NSG1: variants seen among roughly 807,000 people sequenced by gnomAD.
The protein encoded by NSG1 is neuronal vesicle trafficking associated 1.
A neutral mutation model predicts 19.3 loss-of-function variants in NSG1; 9 were observed. That is an observed-to-expected ratio of 0.47 (90% CI 0.28 to 0.81). The LOEUF (loss-of-function observed/expected upper bound fraction) is 0.81, where lower values mean the gene tolerates loss of function less well. Among genes scored for constraint, NSG1 ranks in the 40% least tolerant of loss-of-function variants. The pLI is 0.11. For missense variants in NSG1, 236 were observed against 242.4 expected, an observed-to-expected ratio of 0.97 and a Z score of 0.18; for synonymous variants, 104 against 107.0, an observed-to-expected ratio of 0.97 and a Z score of 0.17.
chr4:4,401,091 T>C (rs1420277696), intron 3 of NSG1, among the ~76,000 whole-genome samples: 1 of 152,194 alleles, frequency 6.6e-6, no homozygotes, highest in East Asian at 1.9e-4. Flanking sequence ...TGGGCCACCG[T>C]GGGATGCACA....
chr4:4,396,680 CG>C (rs67240218), intron 3 of NSG1, among the ~76,000 whole-genome samples: 96,230 of 140,814 alleles, frequency 0.68, 33,888 homozygotes, highest in East Asian at 0.97. Context: ...GAGCTTCCTG[CG>C]TGCCCATCTG....
intron 3 of NSG1, among the ~76,000 whole-genome samples, chr4:4,401,725 G>A (rs951056556): frequency 6.6e-6 from 1 of 152,176 alleles, no homozygotes; most frequent in African/African-American, 2.4e-5. Flanking sequence ...GGGGATTCCA[G>A]TAAGAAGGAA....
chr4:4,402,814 C>G (rs1034290793), intron 3 of NSG1, among the ~76,000 whole-genome samples: 1 of 152,220 alleles, frequency 6.6e-6, no homozygotes, highest in Non-Finnish European at 1.5e-5. Flanking sequence ...TAAGGAAATG[C>G]GCTTCTCCCA....
At chr4:4,411,030 A>G (rs1195917298) in intron 4 of NSG1, among the ~76,000 whole-genome samples, 1 of 151,954 alleles carries the variant, frequency 6.6e-6, no homozygotes, top group Non-Finnish European at 1.5e-5. Context: ...TAATTTTTGT[A>G]TTTTTAGTAG....
At chr4:4,403,825 G>A (rs974776748) in intron 3 of NSG1, among the ~76,000 whole-genome samples, 4 of 152,180 alleles carry the variant, frequency 2.6e-5, no homozygotes, top group South Asian at 2.1e-4. Context: ...TGCAGAAGGC[G>A]GCGGACGTCT....
chr4:4,406,676 C>T (rs1014951099), intron 3 of NSG1, among the ~76,000 whole-genome samples: 1 of 152,186 alleles, frequency 6.6e-6, no homozygotes, highest in Non-Finnish European at 1.5e-5. Flanking sequence ...CATGCTCCCC[C>T]CCAACCCAGG....
At chr4:4,411,771 A>ACACAAC (rs1560147702) in intron 4 of NSG1, among the ~76,000 whole-genome samples, 5 of 118,472 alleles carry the variant, frequency 4.2e-5, no homozygotes, top group African/African-American at 2.1e-4. Context: ...AACAAAACAA[A>ACACAAC]ACAAAACAAA....
At chr4:4,390,403 G>A (rs989022633) in intron 2 of NSG1, among the ~76,000 whole-genome samples, 1 of 152,224 alleles carries the variant, frequency 6.6e-6, no homozygotes, top group Non-Finnish European at 1.5e-5. Flanking sequence ...TCTCCCCAAG[G>A]CTGGCTTTGG....
Position 4,387,700 on chromosome 4 carries a change from C to T in NSG1, c.71C>T (p.Thr24Ile), listed in dbSNP as rs772961206. Residue 24 changes from threonine to isoleucine, a missense_variant, in exon 2 of 5, where the codon ACC (threonine) becomes ATC (isoleucine). By Grantham distance (89) the Thr-to-Ile change is moderately conservative. Coordinates refer to ENST00000621129, the MANE Select transcript of NSG1 (RefSeq NM_014392.5). ...KQPLLEDGFD[T>I]IPLMTPLDVN... ...CCGCTGCTGGAGGATGGCTTCGACACCATTCCCCTGATGACGCCCCTCGAT... is the reference window on the plus strand; with the variant it reads ...CCGCTGCTGGAGGATGGCTTCGACATCATTCCCCTGATGACGCCCCTCGAT... 1 of 1,613,780 alleles carries T rather than the reference C, an allele frequency of 6.2e-7. No homozygotes were observed. The highest frequency in any genetic ancestry group is 8.5e-7 in the Non-Finnish European group (1 of 1,179,744).
At chr4:4,389,366 T>C (rs1427815694) in intron 2 of NSG1, among the ~76,000 whole-genome samples, 1 of 152,192 alleles carries the variant, frequency 6.6e-6, no homozygotes, top group Non-Finnish European at 1.5e-5. Context: ...GCAGGGATGC[T>C]CTTCTCGGGT....
At chr4:4,405,733 C>T (rs1300620412) in intron 3 of NSG1, among the ~76,000 whole-genome samples, 1 of 152,202 alleles carries the variant, frequency 6.6e-6, no homozygotes, top group African/African-American at 2.4e-5. Flanking sequence ...CACGGGCCGC[C>T]CGCTGACTCT....
chr4:4,410,841 G>A (rs927288169), intron 4 of NSG1, among the ~76,000 whole-genome samples: 1 of 152,146 alleles, frequency 6.6e-6, no homozygotes, highest in South Asian at 2.1e-4. Flanking sequence ...TGAGCTCACT[G>A]TAACCTTTTT....
chr4:4,409,119 T>C (rs971338812), intron 3 of NSG1, among the ~76,000 whole-genome samples: 3 of 152,250 alleles, frequency 2.0e-5, no homozygotes, highest in Non-Finnish European at 2.9e-5. Context: ...CTGGTGTCCA[T>C]GCGACACTGC....
At chr4:4,413,806 C>G (rs911152033) in intron 4 of NSG1, among the ~76,000 whole-genome samples, 14 of 151,914 alleles carry the variant, frequency 9.2e-5, no homozygotes, top group Non-Finnish European at 1.6e-4. Flanking sequence ...ACCAAGGAGA[C>G]TGCTGCAGTG....
At chr4:4,412,640 A>G (rs1412727355) in intron 4 of NSG1, among the ~76,000 whole-genome samples, 1 of 152,100 alleles carries the variant, frequency 6.6e-6, no homozygotes, top group Non-Finnish European at 1.5e-5. Context: ...TGTGTTTGTC[A>G]CACACCAACG....
intron 3 of NSG1, among the ~76,000 whole-genome samples, chr4:4,395,579 A>G (rs75290909): frequency 6.6e-6 from 1 of 152,108 alleles, no homozygotes; most frequent in Non-Finnish European, 1.5e-5. Flanking sequence ...GGAGCAGGCT[A>G]TGCTGGAGAC....
chr4:4,413,599 C>T (rs1043982550), intron 4 of NSG1, among the ~76,000 whole-genome samples: 4 of 150,402 alleles, frequency 2.7e-5, no homozygotes, highest in Non-Finnish European at 4.4e-5. Context: ...GCAGTGGGGA[C>T]GTGCTGGTGG....
At chr4:4,387,560 C>A in intron 1 of NSG1, 44 bp from the exon 2 acceptor site, 3 of 1,148,782 alleles carry the variant, frequency 2.6e-6, no homozygotes, top group Non-Finnish European at 2.5e-6. Flanking sequence ...CCGCCCCGCC[C>A]CGGGTCTTGC....
intron 4 of NSG1, among the ~76,000 whole-genome samples, chr4:4,415,514 G>C (rs1724477280): frequency 1.3e-5 from 2 of 152,046 alleles, no homozygotes; most frequent in Non-Finnish European, 2.9e-5. Flanking sequence ...TCACGGCAAG[G>C]CCTCTGCATT....
Sources: allele counts gnomAD v4.1 joint callset (sites outside exome capture counted in the v4.1 genomes callset), GRCh38; gene constraint gnomAD v4.1.1; transcripts MANE v1.5; gene names NCBI Gene and HGNC (gene_info 2026-07-23, HGNC 2026-07-21).